RASEF: variants seen among roughly 807,000 people sequenced by gnomAD.
RASEF encodes RAS and EF-hand domain containing.
A neutral mutation model predicts 90.1 loss-of-function variants in RASEF; 68 were observed. The ratio of observed to expected loss-of-function variants is 0.75; its 90% CI spans 0.62 to 0.92. The LOEUF is 0.92. Ranked by LOEUF, RASEF falls within the 40% of genes least tolerant of loss-of-function variation. The pLI, the probability that RASEF is intolerant of heterozygous loss-of-function variation, is 0.00. For synonymous variants in RASEF, 331 were observed against 345.2 expected, an observed-to-expected ratio of 0.96 and a Z score of 0.46; for missense variants, 949 against 937.2, an observed-to-expected ratio of 1.01 and a Z score of -0.16.
chr9:83,071,556 C>A, the RASEF span, among the ~76,000 whole-genome samples: 6 of 152,114 alleles, frequency 3.9e-5, no homozygotes, highest in Admixed American at 1.3e-4. Context: ...CAGGCGCACA[C>A]CACCACACCT....
the RASEF span, among the ~76,000 whole-genome samples, chr9:83,160,482 T>C: frequency 6.6e-6 from 1 of 151,954 alleles, no homozygotes; most frequent in South Asian, 2.1e-4. Flanking sequence ...GTGGAAAAAA[T>C]TTCTAAGCAC....
chr9:83,158,653 T>TATTTATGTAC, the RASEF span, among the ~76,000 whole-genome samples: 1 of 9,794 alleles, frequency 1.0e-4, no homozygotes, highest in African/African-American at 4.8e-4. Context: ...TATGTCCAAA[T>TATTTATGTAC]ATATACATAT....
the RASEF span, among the ~76,000 whole-genome samples, chr9:83,161,498 T>A: frequency 1.3e-5 from 2 of 152,308 alleles, no homozygotes; most frequent in African/African-American, 4.8e-5. Context: ...CTGCATTGTA[T>A]CTAGGAAATA....
At chr9:83,175,642 G>A in the RASEF span, among the ~76,000 whole-genome samples, 1 of 151,592 alleles carries the variant, frequency 6.6e-6, no homozygotes, top group South Asian at 2.1e-4. Flanking sequence ...GTGCAGTGGT[G>A]TGATCTTGGC....
the RASEF span, among the ~76,000 whole-genome samples, chr9:83,083,959 TA>T: frequency 9.2e-5 from 14 of 152,178 alleles, no homozygotes; most frequent in Non-Finnish European, 1.6e-4. Context: ...TTATTTTTAC[TA>T]ACTAGAATTC....
At chr9:83,072,162 G>T in the RASEF span, among the ~76,000 whole-genome samples, 1 of 152,060 alleles carries the variant, frequency 6.6e-6, no homozygotes. Flanking sequence ...CCCTACTTTA[G>T]TCCTTAACTT....
chr9:83,137,309 T>C, the RASEF span, among the ~76,000 whole-genome samples: 6 of 152,140 alleles, frequency 3.9e-5, no homozygotes, highest in Non-Finnish European at 5.9e-5. Context: ...CTGAACCTGA[T>C]AGTAGATATT....
chr9:83,065,523 CCATTGACAAGTCA>C (rs1368630590), upstream of RASEF, among the ~76,000 whole-genome samples: 1 of 152,148 alleles, frequency 6.6e-6, no homozygotes, highest in Non-Finnish European at 1.5e-5. Flanking sequence ...TGCTGATATT[CCATTGACAAGTCA>C]CATTGGCAAG....
the RASEF span, among the ~76,000 whole-genome samples, chr9:83,212,401 T>C: frequency 6.6e-6 from 1 of 152,224 alleles, no homozygotes; most frequent in Non-Finnish European, 1.5e-5. Context: ...AAGCCATTAA[T>C]TCAAACACAA....
chr9:82,991,684 T>C (rs968265415), intron 15 of RASEF, among the ~76,000 whole-genome samples: 3 of 152,224 alleles, frequency 2.0e-5, no homozygotes, highest in African/African-American at 7.2e-5. Flanking sequence ...GGTGTTGACT[T>C]CTACATCCAG....
At chr9:82,993,046 A>T (rs755932004) in intron 14 of RASEF, 21 bp from the exon 15 acceptor site, 51 of 1,606,864 alleles carry the variant, frequency 3.2e-5, no homozygotes, top group Non-Finnish European at 4.3e-5. Flanking sequence ...GAAAAAAAAA[A>T]TGGGGCACAC....
the RASEF span, among the ~76,000 whole-genome samples, chr9:83,124,088 T>C: frequency 6.6e-6 from 1 of 152,232 alleles, no homozygotes; most frequent in Non-Finnish European, 1.5e-5. Context: ...TTGCATAATG[T>C]CTTCAAGGTT....
At chr9:83,109,414 A>G in the RASEF span, among the ~76,000 whole-genome samples, 4 of 152,346 alleles carry the variant, frequency 2.6e-5, no homozygotes, top group Admixed American at 2.0e-4. Flanking sequence ...CTCACAAAAC[A>G]TATATCAAAG....
the RASEF span, among the ~76,000 whole-genome samples, chr9:83,095,126 C>T: frequency 3.3e-5 from 5 of 152,122 alleles, no homozygotes; most frequent in African/African-American, 1.2e-4. Flanking sequence ...GTTCTGGAAC[C>T]ACTAGTTGAC....
At chr9:83,004,065 T>C (rs1829085690) in intron 9 of RASEF, among the ~76,000 whole-genome samples, 1 of 152,198 alleles carries the variant, frequency 6.6e-6, no homozygotes, top group African/African-American at 2.4e-5. Flanking sequence ...GATATTTATA[T>C]TTGCTTTGAG....
chr9:83,095,984 T>C, the RASEF span, among the ~76,000 whole-genome samples: 2 of 152,148 alleles, frequency 1.3e-5, no homozygotes, highest in Admixed American at 6.5e-5. Flanking sequence ...CCTGCATTGG[T>C]AATCTGTCAG....
the RASEF span, among the ~76,000 whole-genome samples, chr9:83,144,326 G>GAAAGAAA: frequency 2.5e-5 from 1 of 39,486 alleles, no homozygotes; most frequent in African/African-American, 9.9e-5. Context: ...AAAGAAAGAA[G>GAAAGAAA]GAAAGAAAGA....
At chr9:83,128,899 A>C in the RASEF span, among the ~76,000 whole-genome samples, 1 of 152,230 alleles carries the variant, frequency 6.6e-6, no homozygotes, top group Non-Finnish European at 1.5e-5. Flanking sequence ...CAGCTGACAA[A>C]GTGATCAAGA....
At chr9:83,129,647 A>G in the RASEF span, among the ~76,000 whole-genome samples, 1 of 152,156 alleles carries the variant, frequency 6.6e-6, no homozygotes, top group Non-Finnish European at 1.5e-5. Flanking sequence ...TTAACCTGAA[A>G]ATAAGCATTT....
Sources: allele counts gnomAD v4.1 joint callset (sites outside exome capture counted in the v4.1 genomes callset), GRCh38; gene constraint gnomAD v4.1.1; transcripts MANE v1.5; gene names NCBI Gene and HGNC (gene_info 2026-07-23, HGNC 2026-07-21).